FYB1: variants seen among roughly 807,000 people sequenced by gnomAD.
The protein encoded by FYB1 is FYN binding protein 1.
In FYB1, 41 loss-of-function variants were observed where a neutral mutation model predicts 94.1. That is an observed-to-expected ratio of 0.44 (90% CI 0.34 to 0.57). The LOEUF (loss-of-function observed/expected upper bound fraction) is 0.57. FYB1 is among the 20% of genes least tolerant of loss of function. The pLI is 0.02. For missense variants in FYB1, 1,050 were observed against 976.8 expected (o/e 1.07, Z -1.00); for synonymous variants, 367 against 353.2 (o/e 1.04, Z -0.44).
rs865997843 is a variant in FYB1 at position 39,201,915 on chromosome 5, G to A, written c.1046C>T (p.Pro349Leu). Residue 349 changes from proline to leucine, a missense_variant, in exon 2 of 19, where the codon CCC becomes CTC. Coordinates refer to ENST00000512982, the MANE Select transcript of FYB1 (RefSeq NM_001465.6). ...SATPKQKPLPPLFTLGPPPPK... is the reference protein window; with the variant it reads ...SATPKQKPLPLLFTLGPPPPK... ...TGGAGGTGGACCCAAGGTAAACAAG[G>A]GAGGCAATGGCTTCTGTTTCGGGGT... 1 of 1,613,988 alleles carries A rather than the reference G, an allele frequency of 6.2e-7. No homozygotes were observed. Among genetic ancestry groups the A allele is most frequent in the East Asian group, 2.2e-5 (1 of 44,876 alleles).
intron 2 of FYB1, chr5:39,169,322 G>T: frequency 1.3e-6 from 1 of 778,066 alleles, no homozygotes; most frequent in Non-Finnish European, 2.3e-6. Flanking sequence ...ATGCTATGGG[G>T]TATCTTTGGA....
chr5:39,190,987 G>A (rs1352070419), intron 2 of FYB1, among the ~76,000 whole-genome samples: 1 of 152,160 alleles, frequency 6.6e-6, no homozygotes, highest in African/African-American at 2.4e-5. Context: ...AGGAAGTACT[G>A]CAGGATTGTA....
chr5:39,203,970 T>G (rs1748612129), intron 1 of FYB1, among the ~76,000 whole-genome samples: 1 of 152,124 alleles, frequency 6.6e-6, no homozygotes, highest in African/African-American at 2.4e-5. Context: ...TTAGAAATAT[T>G]TCAAAATTGG....
chr5:39,145,791 A>G (rs1225684871), intron 3 of FYB1, among the ~76,000 whole-genome samples: 2 of 151,890 alleles, frequency 1.3e-5, no homozygotes, highest in African/African-American at 4.8e-5. Flanking sequence ...GTAAACTCAC[A>G]TGCTGTCTGA....
intron 16 of FYB1, among the ~76,000 whole-genome samples, chr5:39,113,903 C>G (rs533173927): frequency 6.6e-6 from 1 of 151,814 alleles, no homozygotes; most frequent in Non-Finnish European, 1.5e-5. Flanking sequence ...AATTATTATC[C>G]TAGTTTTATA....
rs1400507229 is a variant in FYB1, at chr5:39,169,357, A to G, written c.1136-15753T>C. The stretch of plus-strand genomic sequence containing the variant: ...AGAAAAATTCCCAGACGAATACTAA[A>G]CCGGTCAATTGAACTAGCTTTGTGA... On this transcript the variant is annotated intron_variant, in intron 2 of 18. Transcript: ENST00000512982. 8 of 755,834 alleles carry G rather than the reference A, an allele frequency of 1.1e-5. No individual in the cohort carries two copies. The African/African-American group carries it at 1.3e-4, about 12-fold the overall frequency. The allele number at this position is 755,834 out of a possible 1,614,324, so 46.8% of individuals were successfully genotyped here. A position where few individuals can be genotyped will look rare whatever the true frequency, so the allele number is the denominator to read the frequency against.
At chr5:39,112,555 AC>A (rs781198940) in intron 16 of FYB1, among the ~76,000 whole-genome samples, 1 of 152,078 alleles carries the variant, frequency 6.6e-6, no homozygotes, top group Non-Finnish European at 1.5e-5. Flanking sequence ...GAATGTAATC[AC>A]CATTTTTAGA....
intron 6 of FYB1, 161 bp downstream of exon 6, chr5:39,138,496 A>G (rs1162431029): frequency 4.0e-6 from 2 of 501,440 alleles, no homozygotes; most frequent in Admixed American, 7.9e-5. Context: ...AGAGAACTAA[A>G]TAATTTTGGG....
At position 39,141,192 on chromosome 5, in the gene FYB1, C is replaced by T. The variant is rs1220974903; in HGVS notation, c.1293-51G>A. Reference sequence around the variant, plus strand: ...GAACATGGAACAAGTAGATGCTCACCTTACAATGAAAAAGGGAAAAGGATT... The same window carrying T: ...GAACATGGAACAAGTAGATGCTCACTTTACAATGAAAAAGGGAAAAGGATT... On this transcript the variant is annotated intron_variant, in intron 3 of 18. Coordinates refer to ENST00000512982, the MANE Select transcript of FYB1 (RefSeq NM_001465.6). 1.3e-5 allele frequency: 15 copies of T among 1,172,624 alleles called. No homozygotes were observed. In the East Asian group the frequency reaches 1.7e-4, roughly 13 times the overall value. 72.6% of individuals were successfully genotyped at this position (1,172,624 alleles called of 1,614,324 possible). A position where few individuals can be genotyped will look rare whatever the true frequency, so the allele number is the denominator to read the frequency against.
chr5:39,170,167 G>A (rs1452432003), intron 2 of FYB1: 5 of 775,214 alleles, frequency 6.4e-6, no homozygotes, highest in Non-Finnish European at 9.1e-6. Flanking sequence ...AGTCTGATAT[G>A]TCAAATCTGT....
intron 16 of FYB1, among the ~76,000 whole-genome samples, chr5:39,114,977 G>T (rs1739392549): frequency 6.6e-6 from 1 of 152,092 alleles, no homozygotes; most frequent in Non-Finnish European, 1.5e-5. Context: ...TAATTGTGAT[G>T]GTGTGGCTAG....
chr5:39,139,125 T>C (rs1271016140), intron 5 of FYB1, 108 bp downstream of exon 5: 1 of 1,123,402 alleles, frequency 8.9e-7, no homozygotes, highest in East Asian at 2.8e-5. Context: ...ATATCATTGC[T>C]CATAAGGATT....
intron 1 of FYB1, among the ~76,000 whole-genome samples, chr5:39,273,963 C>A (rs1474720331): frequency 1.3e-5 from 2 of 151,506 alleles, no homozygotes; most frequent in East Asian, 3.9e-4. Flanking sequence ...CTTGCTCTGT[C>A]CCCCAGGCTA....
At chr5:39,268,940 C>A (rs1340971961) in intron 1 of FYB1, among the ~76,000 whole-genome samples, 1 of 152,196 alleles carries the variant, frequency 6.6e-6, no homozygotes, top group Non-Finnish European at 1.5e-5. Flanking sequence ...TACATGCTAT[C>A]CAGTTAAACT....
At chr5:39,204,562 A>G (rs2150505042) in intron 1 of FYB1, among the ~76,000 whole-genome samples, 1 of 152,356 alleles carries the variant, frequency 6.6e-6, no homozygotes, top group Non-Finnish European at 1.5e-5. Flanking sequence ...CTGTGAGCAC[A>G]GGCAGGCAAA....
In FYB1 at chr5:39,130,477, G is replaced by T. The variant is rs117541148; in HGVS notation, c.1840+113C>A. ...TGATGATGGATAGCCTAAATACGCT[G>T]ACTTGAACAATACACATTCTATGCA... On this transcript the variant is annotated intron_variant, in intron 10 of 18. Coordinates refer to ENST00000512982, the MANE Select transcript of FYB1 (RefSeq NM_001465.6). 515 of 831,240 alleles carry T rather than the reference G, an allele frequency of 6.2e-4. 2 individuals carry two copies. The East Asian group carries it at 0.013, about 21-fold the overall frequency. The allele number at this position is 831,240 out of a possible 1,614,324, so 51.5% of individuals were successfully genotyped here.
At chr5:39,152,606 A>T (rs1224762281) in intron 3 of FYB1, among the ~76,000 whole-genome samples, 1 of 152,210 alleles carries the variant, frequency 6.6e-6, no homozygotes, top group Non-Finnish European at 1.5e-5. Context: ...CCATTGTCTG[A>T]ATATTCTTAA....
intron 11 of FYB1, among the ~76,000 whole-genome samples, chr5:39,126,400 A>G (rs1390915623): frequency 6.6e-6 from 1 of 152,080 alleles, no homozygotes; most frequent in Non-Finnish European, 1.5e-5. Flanking sequence ...GTCCATAAGG[A>G]TTAAGTTTCA....
intron 1 of FYB1, among the ~76,000 whole-genome samples, chr5:39,212,431 A>C (rs1030000271): frequency 6.6e-6 from 1 of 152,258 alleles, no homozygotes; most frequent in African/African-American, 2.4e-5. Context: ...GGAAGATTCC[A>C]CAAAGAGAAA....
Sources: gnomAD v4.1 joint callset for allele counts (sites outside exome capture counted in the v4.1 genomes callset) on GRCh38, gnomAD v4.1.1 for gene constraint, MANE v1.5 for transcripts, NCBI Gene and HGNC (gene_info 2026-07-23, HGNC 2026-07-21) for gene names.